Variants in CNTLN observed in about 807,000 individuals in gnomAD.
CNTLN encodes centlein, centrosomal protein.
Under a neutral mutation model 180.0 loss-of-function variants are expected in CNTLN, and 212 were observed. The ratio of observed to expected loss-of-function variants is 1.18; its 90% CI spans 1.05 to 1.32. CNTLN has a LOEUF of 1.32. CNTLN is among the 40% of genes most tolerant of loss of function. The pLI, the probability that CNTLN is intolerant of heterozygous loss-of-function variation, is 0.00. For missense variants in CNTLN, 2,095 were observed against 1,610.9 expected, an observed-to-expected ratio of 1.30 and a Z score of -5.14; for synonymous variants, 722 against 563.1, an observed-to-expected ratio of 1.28 and a Z score of -3.99.
chr9:17,317,746 C>G (rs1363465016), intron 8 of CNTLN, among the ~76,000 whole-genome samples: 1 of 152,078 alleles, frequency 6.6e-6, no homozygotes, highest in African/African-American at 2.4e-5. Flanking sequence ...GCATTCTAAA[C>G]AGAGAGAACA....
intron 7 of CNTLN, among the ~76,000 whole-genome samples, chr9:17,303,003 A>G (rs1026729266): frequency 3.9e-5 from 6 of 152,210 alleles, no homozygotes; most frequent in Non-Finnish European, 8.8e-5. Flanking sequence ...CTTATTGTGT[A>G]TCAGGCACTG....
At chr9:17,304,892 G>A (rs1012894356) in intron 7 of CNTLN, among the ~76,000 whole-genome samples, 9 of 152,002 alleles carry the variant, frequency 5.9e-5, no homozygotes, top group Admixed American at 2.6e-4. Flanking sequence ...TTATACAAGG[G>A]ACTTGTGCAT....
the CNTLN span, among the ~76,000 whole-genome samples, chr9:17,508,946 T>C: frequency 6.6e-6 from 1 of 152,138 alleles, no homozygotes; most frequent in East Asian, 1.9e-4. Context: ...GAGCAAATAA[T>C]GTGAAGATAT....
chr9:17,298,145 G>T, intron 6 of CNTLN, 45 bp from the exon 7 acceptor site: 4 of 1,363,658 alleles, frequency 2.9e-6, no homozygotes, highest in South Asian at 4.6e-5. Context: ...TAACTGAGAT[G>T]ATCTTTATCC....
At chr9:17,507,024 C>T (rs1201707048), downstream of CNTLN, among the ~76,000 whole-genome samples, 1 of 152,058 alleles carries the variant, frequency 6.6e-6, no homozygotes, top group Non-Finnish European at 1.5e-5. Context: ...TCAGTGGGTA[C>T]GTGTGTAGGT....
intron 18 of CNTLN, among the ~76,000 whole-genome samples, chr9:17,450,303 T>A (rs17763952): frequency 0.036 from 5,465 of 152,222 alleles, 130 homozygotes; most frequent in South Asian, 0.13. Flanking sequence ...CAACTACACT[T>A]CATGAAAAGA....
chr9:17,374,436 T>A (rs1238734425), intron 13 of CNTLN, among the ~76,000 whole-genome samples: 1 of 152,214 alleles, frequency 6.6e-6, no homozygotes, highest in African/African-American at 2.4e-5. Flanking sequence ...CCAGCCTGAA[T>A]GGCTCTTATC....
the CNTLN span, among the ~76,000 whole-genome samples, chr9:17,510,464 T>G: frequency 6.6e-6 from 1 of 152,168 alleles, no homozygotes; most frequent in African/African-American, 2.4e-5. Flanking sequence ...GGTCAGACAT[T>G]CTGGATGTTT....
intron 11 of CNTLN, among the ~76,000 whole-genome samples, chr9:17,341,371 A>G (rs1028841704): frequency 6.6e-6 from 1 of 152,246 alleles, no homozygotes; most frequent in South Asian, 2.1e-4. Context: ...ATTCACATAT[A>G]TAGTTAACTA....
intron 2 of CNTLN, among the ~76,000 whole-genome samples, chr9:17,144,575 A>G (rs189719713): frequency 3.9e-5 from 6 of 152,052 alleles, no homozygotes; most frequent in Non-Finnish European, 7.4e-5. Context: ...AGCAGATATT[A>G]AATTATTGTT....
chr9:17,497,013 A>T (rs967720631), intron 25 of CNTLN, among the ~76,000 whole-genome samples: 12 of 152,276 alleles, frequency 7.9e-5, no homozygotes, highest in African/African-American at 2.6e-4. Context: ...GGGTAAAGTA[A>T]TGTGTCAGGC....
intron 2 of CNTLN, among the ~76,000 whole-genome samples, chr9:17,160,929 T>C (rs1036259211): frequency 1.3e-5 from 2 of 152,130 alleles, no homozygotes; most frequent in Admixed American, 1.3e-4. Flanking sequence ...TGTCAGACCC[T>C]CTGAAAAAGT....
At chr9:17,262,965 T>C (rs931312028) in intron 5 of CNTLN, among the ~76,000 whole-genome samples, 2 of 151,290 alleles carry the variant, frequency 1.3e-5, no homozygotes. Flanking sequence ...ATTGAGATGA[T>C]CATATGGTTT....
intron 18 of CNTLN, chr9:17,448,308 C>G (rs1330913498): frequency 6.6e-6 from 1 of 152,582 alleles, no homozygotes; most frequent in African/African-American, 2.4e-5. Context: ...CACATTACCT[C>G]AATGAGATTT....
intron 25 of CNTLN, among the ~76,000 whole-genome samples, chr9:17,501,521 C>G (rs1468953285): frequency 6.6e-6 from 1 of 152,212 alleles, no homozygotes; most frequent in Non-Finnish European, 1.5e-5. Context: ...CTTAGCGGAG[C>G]ATAGCTGAGG....
At chr9:17,249,327 T>G (rs1391359349) in intron 5 of CNTLN, among the ~76,000 whole-genome samples, 1 of 150,862 alleles carries the variant, frequency 6.6e-6, no homozygotes, top group Non-Finnish European at 1.5e-5. Context: ...TCTTCTTTGA[T>G]CCATTGGTTC....
intron 14 of CNTLN, 138 bp from the exon 15 acceptor site, chr9:17,394,396 A>G: frequency 1.4e-6 from 1 of 719,200 alleles, no homozygotes; most frequent in Non-Finnish European, 2.1e-6. Flanking sequence ...CTGCCTTAGA[A>G]TTATCTAGAA....
intron 13 of CNTLN, among the ~76,000 whole-genome samples, chr9:17,385,375 G>A (rs182820799): frequency 3.7e-4 from 57 of 152,246 alleles, no homozygotes; most frequent in Non-Finnish European, 6.3e-4. Context: ...GGGGCTGGAC[G>A]TTAAAACCAT....
intron 7 of CNTLN, among the ~76,000 whole-genome samples, chr9:17,308,003 C>CAG (rs1700634693): frequency 6.6e-6 from 1 of 151,516 alleles, no homozygotes; most frequent in South Asian, 2.1e-4. Context: ...CACACACACA[C>CAG]ACACACACAC....
Sources: allele counts gnomAD v4.1 joint callset (sites outside exome capture counted in the v4.1 genomes callset), GRCh38; gene constraint gnomAD v4.1.1; transcripts MANE v1.5; gene names NCBI Gene and HGNC (gene_info 2026-07-23, HGNC 2026-07-21).